PODXL: variants seen among roughly 807,000 people sequenced by gnomAD.
PODXL encodes podocalyxin like, also known as podocalyxin.
PODXL carries 20 observed loss-of-function variants against 48.9 expected under a neutral mutation model. The ratio of observed to expected loss-of-function variants is 0.41; its 90% CI spans 0.29 to 0.59. PODXL has a LOEUF of 0.59. Ranked by LOEUF, PODXL falls within the 20% of genes least tolerant of loss-of-function variation. The pLI is 0.31. For missense variants in PODXL, 606 were observed against 675.1 expected, an observed-to-expected ratio of 0.90 and a Z score of 1.13; for synonymous variants, 295 against 287.4, an observed-to-expected ratio of 1.03 and a Z score of -0.27.
At chr7:131,508,926 C>A in intron 5 of PODXL, 25 bp downstream of exon 5, 1 of 1,540,060 alleles carries the variant, frequency 6.5e-7, no homozygotes, top group Non-Finnish European at 9.0e-7. Context: ...CTGCACCTGG[C>A]GGCTCAGATC....
At chr7:131,539,007 A>G (rs1584827914) in intron 1 of PODXL, among the ~76,000 whole-genome samples, 1 of 152,196 alleles carries the variant, frequency 6.6e-6, no homozygotes, top group African/African-American at 2.4e-5. Context: ...CAGCCAACAC[A>G]CCAGCCAGCT....
chr7:131,521,636 T>TTTC lies in PODXL; in HGVS notation c.101-10204_101-10203insGAA, dbSNP rs540117929. On this transcript the variant is annotated intron_variant, in intron 1 of 8. Coordinates refer to ENST00000378555, the MANE Select transcript of PODXL (RefSeq NM_001018111.3). ...ACGTGAGCCACCACACCCAGCTGAT[T>TTTC]AAAGACAATTTTCAAATGAATTTCT... 1.9e-4 allele frequency among the ~76,000 whole-genome samples: 29 copies of TTTC among 152,230 alleles called. No homozygotes were observed. The South Asian group carries it at 5.2e-3, about 27-fold the overall frequency.
At chr7:131,527,268 G>A (rs185147653) in intron 1 of PODXL, among the ~76,000 whole-genome samples, 117 of 152,106 alleles carry the variant, frequency 7.7e-4, no homozygotes, top group South Asian at 2.7e-3. Context: ...GAAAATGGGT[G>A]GACTACATCT....
intron 1 of PODXL, among the ~76,000 whole-genome samples, chr7:131,531,482 G>A (rs978001993): frequency 1.3e-5 from 2 of 152,142 alleles, no homozygotes; most frequent in Non-Finnish European, 2.9e-5. Context: ...ATGTGCTCAG[G>A]TGAACCTTGG....
At chr7:131,554,256 C>T (rs1035638308) in intron 1 of PODXL, among the ~76,000 whole-genome samples, 80 of 152,064 alleles carry the variant, frequency 5.3e-4, no homozygotes, top group Admixed American at 4.6e-4. Flanking sequence ...CCAATCTTGC[C>T]GCAACATGCC....
intron 1 of PODXL, chr7:131,520,469 C>T: frequency 4.8e-6 from 1 of 210,118 alleles, no homozygotes; most frequent in Non-Finnish European, 9.6e-6. Flanking sequence ...CCTGTTATCA[C>T]TTTCAAAAAT....
At chr7:131,529,942 G>T (rs992472368) in intron 1 of PODXL, among the ~76,000 whole-genome samples, 5 of 32,364 alleles carry the variant, frequency 1.5e-4, no homozygotes, top group Non-Finnish European at 1.0e-3. Context: ...CCTCCCTAGG[G>T]GTATAGGCGG....
intron 1 of PODXL, among the ~76,000 whole-genome samples, chr7:131,536,263 A>C (rs1798372128): frequency 6.6e-6 from 1 of 152,254 alleles, no homozygotes; most frequent in Non-Finnish European, 1.5e-5. Flanking sequence ...GATAGATTTT[A>C]AAATCTGAAA....
In PODXL at chr7:131,505,131, G is replaced by C. The variant is rs1251531315; in HGVS notation, c.1480-623C>G. On this transcript the variant is annotated intron_variant, in intron 8 of 8. Transcript: ENST00000378555. ...AAAGTTCCCCACGGTGTGCAGGCAGGAGTGAGAACCACAGGGTCTGGGTGG... is the reference window on the plus strand; with the variant it reads ...AAAGTTCCCCACGGTGTGCAGGCAGCAGTGAGAACCACAGGGTCTGGGTGG... 3.3e-5 allele frequency among the ~76,000 whole-genome samples: 5 copies of C among 152,198 alleles called. No homozygotes were observed. The East Asian group carries it at 9.6e-4, about 29-fold the overall frequency.
intron 1 of PODXL, among the ~76,000 whole-genome samples, chr7:131,554,599 G>A (rs1182501136): frequency 6.6e-6 from 1 of 152,210 alleles, no homozygotes; most frequent in Non-Finnish European, 1.5e-5. Context: ...CCAGCAGTGA[G>A]CTGGAGTCAG....
At chr7:131,551,230 G>C (rs1798663329) in intron 1 of PODXL, among the ~76,000 whole-genome samples, 2 of 152,094 alleles carry the variant, frequency 1.3e-5, no homozygotes. Flanking sequence ...CAGCCCCATA[G>C]AGCAGACAGG....
intron 1 of PODXL, among the ~76,000 whole-genome samples, chr7:131,523,158 G>A (rs1200040299): frequency 1.3e-5 from 2 of 152,078 alleles, no homozygotes; most frequent in African/African-American, 2.4e-5. Flanking sequence ...CAATTTTTTT[G>A]TGAATCCAAT....
intron 1 of PODXL, among the ~76,000 whole-genome samples, chr7:131,549,038 C>A (rs1232097425): frequency 6.6e-6 from 1 of 152,212 alleles, no homozygotes; most frequent in East Asian, 1.9e-4. Flanking sequence ...AGTCCCTGCC[C>A]TCATGGAACT....
chr7:131,510,335 G>GA lies in PODXL; in HGVS notation c.707-5dup, dbSNP rs56367324. The GA allele has an allele frequency of 8.7e-5, 7 of 80,100 alleles. No individual in the cohort carries two copies. The highest frequency in any genetic ancestry group is 3.6e-4 in the African/African-American group (4 of 10,972). 5.0% of individuals were successfully genotyped at this position (80,100 alleles called of 1,614,324 possible). ...ACATGGTGAAACACTGTCTCTACTTGAAAAAAAAAAAAAAAAAAAAAAAAA... is the reference window on the plus strand; with the variant it reads ...ACATGGTGAAACACTGTCTCTACTTGAAAAAAAAAAAAAAAAAAAAAAAAAA... On this transcript the variant is annotated splice_region_variant and splice_polypyrimidine_tract_variant and intron_variant, in intron 2 of 8. Coordinates refer to ENST00000378555, the MANE Select transcript of PODXL (RefSeq NM_001018111.3).
chr7:131,525,575 G>A (rs777525391), intron 1 of PODXL, among the ~76,000 whole-genome samples: 4 of 151,194 alleles, frequency 2.6e-5, no homozygotes, highest in African/African-American at 4.9e-5. Context: ...ATTCTAGCCC[G>A]GGAGACAAGA....
intron 1 of PODXL, among the ~76,000 whole-genome samples, chr7:131,513,881 TG>T (rs1213082967): frequency 6.6e-6 from 1 of 152,192 alleles, no homozygotes; most frequent in Admixed American, 6.5e-5. Context: ...AAAGCAGAAA[TG>T]TTTATCAGGA....
At chr7:131,554,132 G>T (rs1262741917) in intron 1 of PODXL, among the ~76,000 whole-genome samples, 1 of 152,140 alleles carries the variant, frequency 6.6e-6, no homozygotes, top group African/African-American at 2.4e-5. Context: ...CAGTGTTTAT[G>T]CTATTCCCGA....
intron 1 of PODXL, among the ~76,000 whole-genome samples, chr7:131,522,385 AG>A (rs1798105575): frequency 1.3e-5 from 2 of 152,172 alleles, no homozygotes; most frequent in Non-Finnish European, 2.9e-5. Context: ...TGGAGGTTGC[AG>A]TGGAGCTGAG....
intron 1 of PODXL, among the ~76,000 whole-genome samples, chr7:131,534,183 T>C (rs1254033589): frequency 1.3e-5 from 2 of 152,092 alleles, no homozygotes; most frequent in Non-Finnish European, 2.9e-5. Context: ...CCCAGACCCA[T>C]GTGGCTCTTC....
Sources: gnomAD v4.1 joint callset for allele counts (sites outside exome capture counted in the v4.1 genomes callset) on GRCh38, gnomAD v4.1.1 for gene constraint, MANE v1.5 for transcripts, NCBI Gene and HGNC (gene_info 2026-07-23, HGNC 2026-07-21) for gene names.